The following TJP1 variants were observed in gnomAD, a reference collection of about 807,000 sequenced individuals.
TJP1 encodes tight junction protein ZO-1.
Under a neutral mutation model 194.2 loss-of-function variants are expected in TJP1, and 43 were observed. The observed-to-expected ratio is 0.22, with a 90% CI of 0.17 to 0.29. The LOEUF is 0.29. Among genes scored for constraint, TJP1 ranks in the 10% least tolerant of loss-of-function variants. The pLI, the probability that TJP1 is intolerant of heterozygous loss-of-function variation, is 1.00. For missense variants in TJP1, 1,971 were observed against 2,185.7 expected (o/e 0.90, Z 1.96); for synonymous variants, 801 against 779.0 (o/e 1.03, Z -0.47).
At chr15:29,879,005 C>A (rs1380734579) in intron 2 of TJP1, among the ~76,000 whole-genome samples, 1 of 151,762 alleles carries the variant, frequency 6.6e-6, no homozygotes, top group African/African-American at 2.4e-5. Context: ...CGCCTGTAGT[C>A]CCCAGCTACT....
intron 23 of TJP1, among the ~76,000 whole-genome samples, chr15:29,712,003 C>T (rs531674617): frequency 6.6e-6 from 1 of 152,254 alleles, no homozygotes; most frequent in East Asian, 1.9e-4. Context: ...TCATTTAAGT[C>T]AAATTGTGCC....
chr15:29,728,092 C>T (rs1280048411), intron 15 of TJP1, 73 bp from the exon 16 acceptor site: 1 of 1,223,550 alleles, frequency 8.2e-7, no homozygotes, highest in African/African-American at 1.5e-5. Context: ...CAACTACTGG[C>T]CACAACTGAT....
chr15:29,940,781 A>G (rs4779683), intron 2 of TJP1, among the ~76,000 whole-genome samples: 23,504 of 152,168 alleles, frequency 0.15, 2,067 homozygotes, highest in East Asian at 0.31. Flanking sequence ...CACACAGGAA[A>G]GCATTCTATC....
At chr15:29,938,481 G>T (rs868694167) in intron 2 of TJP1, among the ~76,000 whole-genome samples, 4 of 152,090 alleles carry the variant, frequency 2.6e-5, no homozygotes, top group Admixed American at 1.3e-4. Context: ...TTTAAACAAA[G>T]AATTTTGACC....
At chr15:29,796,768 C>T (rs770989426) in intron 2 of TJP1, among the ~76,000 whole-genome samples, 4 of 152,098 alleles carry the variant, frequency 2.6e-5, no homozygotes, top group African/African-American at 4.8e-5. Flanking sequence ...CTGATTTCCA[C>T]GTTTAATATA....
At chr15:29,857,442 G>C (rs1450227866) in intron 2 of TJP1, among the ~76,000 whole-genome samples, 1 of 152,112 alleles carries the variant, frequency 6.6e-6, no homozygotes, top group Non-Finnish European at 1.5e-5. Flanking sequence ...CCTGCTGGGT[G>C]GTCTCCTGAT....
At position 29,719,994 on chromosome 15, in the gene TJP1, A is replaced by C; in HGVS notation, c.2786T>G (p.Val929Gly). The C allele has an allele frequency of 6.2e-7, 1 of 1,611,240 alleles. No homozygotes were observed. Among genetic ancestry groups the C allele is most frequent in the Non-Finnish European group, 8.5e-7 (1 of 1,179,106 alleles). The change falls in exon 20 of 28, where the codon GTC becomes GGC. Residue 929 changes from valine to glycine, a missense_variant. Physicochemically the swap from Val to Gly is moderately radical, Grantham distance 109 (BLOSUM62 -3). Transcript: ENST00000614355. ...GTTTGTTTCAGGCGAAAGGTAAGGG[A>C]CTGGAGATGAAGCTTCTGCTTTCTG... Reference protein sequence around the residue: ...SQQKAEASSPVPYLSPETNPA... With the variant: ...SQQKAEASSPGPYLSPETNPA...
At chr15:29,870,087 C>T (rs1239933299) in intron 2 of TJP1, among the ~76,000 whole-genome samples, 2 of 151,818 alleles carry the variant, frequency 1.3e-5, no homozygotes, top group African/African-American at 2.4e-5. Context: ...CGCCCCCCAC[C>T]GCCCAGCCTC....
intron 2 of TJP1, among the ~76,000 whole-genome samples, chr15:29,928,009 G>A (rs1278131458): frequency 1.3e-5 from 2 of 151,940 alleles, no homozygotes; most frequent in African/African-American, 2.4e-5. Context: ...CCATCTCGGA[G>A]GAGAAATATC....
At chr15:29,808,054 G>A (rs2049226306) in intron 1 of TJP1, among the ~76,000 whole-genome samples, 1 of 151,990 alleles carries the variant, frequency 6.6e-6, no homozygotes. Flanking sequence ...GATCATTTGA[G>A]GCCAGATGTT....
chr15:29,813,154 T>A (rs1006219761), intron 1 of TJP1, among the ~76,000 whole-genome samples: 3 of 152,198 alleles, frequency 2.0e-5, no homozygotes, highest in Admixed American at 6.5e-5. Flanking sequence ...GTCAGGTAAG[T>A]GGATATCTTA....
chr15:29,812,773 G>C (rs772086453), intron 1 of TJP1, among the ~76,000 whole-genome samples: 6 of 152,078 alleles, frequency 3.9e-5, no homozygotes, highest in Non-Finnish European at 8.8e-5. Flanking sequence ...AGATTAAATG[G>C]GATAATGCAC....
chr15:29,899,413 T>C (rs567258085), intron 2 of TJP1, among the ~76,000 whole-genome samples: 1 of 152,364 alleles, frequency 6.6e-6, no homozygotes, highest in South Asian at 2.1e-4. Context: ...TCATATGTTA[T>C]CCTCCAATTT....
chr15:29,757,156 A>G (rs2045694457), intron 8 of TJP1, among the ~76,000 whole-genome samples: 1 of 152,194 alleles, frequency 6.6e-6, no homozygotes, highest in African/African-American at 2.4e-5. Flanking sequence ...TCCGGCTCCA[A>G]AGCCCTAAGA....
At chr15:29,729,010 A>T (rs2043421091) in intron 15 of TJP1, 2 of 152,242 alleles carry the variant, frequency 1.3e-5, no homozygotes, top group South Asian at 4.1e-4. Context: ...AGTAAACCTG[A>T]TTAAACCAAT....
chr15:29,716,794 A>G lies in TJP1; in HGVS notation c.4019T>C (p.Ile1340Thr), dbSNP rs746931199. The change falls in exon 23 of 28, where the codon ATT becomes ACT. Residue 1340 changes from isoleucine (I) to threonine (T), a missense_variant. Ile to Thr is a moderately conservative substitution (Grantham distance 89, BLOSUM62 -1). Coordinates refer to ENST00000614355, the MANE Select transcript of TJP1 (RefSeq NM_001330239.4). ...QKPQLKPPEDIVRSNHYDPEE... is the reference protein window; with the variant it reads ...QKPQLKPPEDTVRSNHYDPEE... ...AGGGTCATAATGATTGGACCGAACA[A>G]TATCTTCAGGTGGCTTCAGTTGAGG... The G allele has an allele frequency of 8.1e-6, 13 of 1,611,338 alleles. No homozygotes were observed. The highest frequency in any genetic ancestry group is 2.2e-5 in the East Asian group (1 of 44,826).
At chr15:29,787,604 GTTCTT>G (rs1396762169) in intron 2 of TJP1, among the ~76,000 whole-genome samples, 1 of 152,088 alleles carries the variant, frequency 6.6e-6, no homozygotes, top group Non-Finnish European at 1.5e-5. Context: ...CATAATATAT[GTTCTT>G]TTATGACTGG....
chr15:29,747,199 C>T (rs1456939680), intron 8 of TJP1, among the ~76,000 whole-genome samples: 5 of 152,110 alleles, frequency 3.3e-5, no homozygotes, highest in East Asian at 1.9e-4. Flanking sequence ...GCACAAGAAT[C>T]GCTTAAACCT....
intron 2 of TJP1, among the ~76,000 whole-genome samples, chr15:29,862,647 C>CTTTTT (rs11305773): frequency 2.0e-5 from 2 of 101,310 alleles, no homozygotes; most frequent in East Asian, 3.1e-4. Context: ...TTTTTCTTTT[C>CTTTTT]TTTTTTTTTT....
Sources: allele counts gnomAD v4.1 joint callset (sites outside exome capture counted in the v4.1 genomes callset), GRCh38; gene constraint gnomAD v4.1.1; transcripts MANE v1.5; gene names NCBI Gene and HGNC (gene_info 2026-07-23, HGNC 2026-07-21).